VNN1: variants seen among roughly 807,000 people sequenced by gnomAD.
The protein encoded by VNN1 is vanin 1, also known as pantetheinase.
VNN1 carries 29 observed loss-of-function variants against 41.9 expected under a neutral mutation model. The observed-to-expected ratio is 0.69, with a 90% CI of 0.52 to 0.94. The LOEUF (loss-of-function observed/expected upper bound fraction) is 0.94. Among genes scored for constraint, VNN1 ranks in the 40% least tolerant of loss-of-function variants. The pLI is 0.00. For missense variants in VNN1, 637 were observed against 621.1 expected, an observed-to-expected ratio of 1.03 and a Z score of -0.27; for synonymous variants, 233 against 224.4, an observed-to-expected ratio of 1.04 and a Z score of -0.34.
rs537498462 is a variant in VNN1 at position 132,681,270 on chromosome 6, G to A, written c.*1870C>T. On this transcript the variant is annotated 3_prime_UTR_variant, in exon 7 of 7. Coordinates refer to ENST00000367928, the MANE Select transcript of VNN1 (RefSeq NM_004666.3). ...AGTATCATTGCTCTAGGAGAAGCCA[G>A]ATGACATTTTATGAAAGTTTTTCTA... is the stretch of plus-strand genomic sequence containing the variant. Among the ~76,000 whole-genome samples the A allele has an allele frequency of 6.6e-6, 1 of 152,178 alleles. No individual in the cohort carries two copies. Among genetic ancestry groups the A allele is most frequent in the Non-Finnish European group, 1.5e-5 (1 of 68,046 alleles).
At chr6:132,700,928 A>G (rs992382523) in intron 2 of VNN1, among the ~76,000 whole-genome samples, 13 of 152,222 alleles carry the variant, frequency 8.5e-5, no homozygotes, top group Non-Finnish European at 1.8e-4. Context: ...CCATAATGGT[A>G]TAATGGATTT....
chr6:132,696,597 A>G (rs949140191), intron 2 of VNN1, among the ~76,000 whole-genome samples: 4 of 152,170 alleles, frequency 2.6e-5, no homozygotes, highest in Admixed American at 6.5e-5. Context: ...GGGATCCCCA[A>G]TAAGATTATC....
At chr6:132,693,377 G>T in intron 3 of VNN1, 62 bp from the exon 4 acceptor site, 1 of 1,461,526 alleles carries the variant, frequency 6.8e-7, no homozygotes, top group Non-Finnish European at 9.1e-7. Context: ...GGACATCACA[G>T]TGTGGGAAAA....
chr6:132,694,528 A>G (rs971556045), intron 2 of VNN1, among the ~76,000 whole-genome samples: 4 of 152,120 alleles, frequency 2.6e-5, no homozygotes, highest in African/African-American at 9.7e-5. Flanking sequence ...TATCCCGTTT[A>G]CTAAAATTTT....
rs887291010 is a variant in VNN1, at chr6:132,682,008, C to T, written c.*1132G>A. The T allele has an allele frequency of 6.6e-6, 1 of 152,200 alleles. No individual in the cohort carries two copies. The highest frequency in any genetic ancestry group is 2.4e-5 in the African/African-American group (1 of 41,436). The allele number at this position is 152,200 out of a possible 1,614,324, so 9.4% of individuals were successfully genotyped here. ...ATATTAGTGCTCAGAGTCTATCAGT[C>T]AGTTGGGAGATATTTTGGCTTAAAT... On this transcript the variant is annotated 3_prime_UTR_variant, in exon 7 of 7. Transcript: ENST00000367928.
At chr6:132,708,567 A>G (rs376731343) in intron 2 of VNN1, among the ~76,000 whole-genome samples, 1 of 152,232 alleles carries the variant, frequency 6.6e-6, no homozygotes, top group Non-Finnish European at 1.5e-5. Context: ...AACATACTCA[A>G]TAAGATGAGA....
At chr6:132,694,296 T>G in intron 2 of VNN1, 114 bp from the exon 3 acceptor site, 1 of 1,031,228 alleles carries the variant, frequency 9.7e-7, no homozygotes, top group Non-Finnish European at 1.3e-6. Flanking sequence ...AAGTAAATTC[T>G]AAATAACAAT....
intron 5 of VNN1, among the ~76,000 whole-genome samples, chr6:132,688,238 T>C (rs956636846): frequency 6.6e-6 from 1 of 152,178 alleles, no homozygotes; most frequent in Non-Finnish European, 1.5e-5. Context: ...GGCTATAACA[T>C]TTTTATTCAA....
rs574660987 is a variant in VNN1, at chr6:132,712,352, A to G, written c.211-513T>C. Among the ~76,000 whole-genome samples the G allele has an allele frequency of 7.2e-5, 11 of 151,890 alleles. No individual in the cohort carries two copies. The South Asian group carries it at 2.3e-3, about 32-fold the overall frequency. On this transcript the variant is annotated intron_variant, in intron 1 of 6. Transcript: ENST00000367928. ...TTTAGTAGAGATGGGGTTTCTCCAT[A>G]TTGGTCAGGATGGTCTTGAACTCCC...
chr6:132,701,016 A>G (rs45454401), intron 2 of VNN1, among the ~76,000 whole-genome samples: 2,911 of 152,288 alleles, frequency 0.019, 102 homozygotes, highest in African/African-American at 0.067. Flanking sequence ...AATTACTATT[A>G]TGCTATGGTG....
chr6:132,683,339 A>T lies in VNN1; in HGVS notation c.1360-17T>A, dbSNP rs202233405. On this transcript the variant is annotated splice_polypyrimidine_tract_variant and intron_variant, in intron 6 of 6. Coordinates refer to ENST00000367928, the MANE Select transcript of VNN1 (RefSeq NM_004666.3). Reference sequence around the variant, plus strand: ...AGTTGACACCTGATTAAAACAAAAAAGTAGGCAAAGGCTACCTTCAAGTTT... The same window carrying T: ...AGTTGACACCTGATTAAAACAAAAATGTAGGCAAAGGCTACCTTCAAGTTT... 81 of 1,604,270 alleles carry T rather than the reference A, an allele frequency of 5.0e-5. No homozygotes were observed. Among genetic ancestry groups the T allele is most frequent in the Non-Finnish European group, 6.7e-5 (79 of 1,177,050 alleles).
At position 132,684,488 on chromosome 6, in the gene VNN1, T is replaced by C. The variant is rs1185481023; in HGVS notation, c.1206A>G (p.Lys402=). The C allele has an allele frequency of 6.2e-7, 1 of 1,614,066 alleles. No homozygotes were observed. Among genetic ancestry groups the C allele is most frequent in the East Asian group, 2.2e-5 (1 of 44,858 alleles). The change falls in exon 6 of 7, where the codon AAA becomes AAG. Residue 402 remains lysine, a synonymous_variant. Transcript: ENST00000367928. ...AAGTGTTTAAATTAGTCGTTTTACA[T>C]TTCAACAGGGTACAAATCTAGGGAA... ...RYYLQICTLL[K]CKTTNLNTCG... is the part of the protein sequence containing the mutation.
intron 5 of VNN1, among the ~76,000 whole-genome samples, chr6:132,690,888 T>C (rs1251442490): frequency 6.6e-6 from 1 of 152,166 alleles, no homozygotes; most frequent in Non-Finnish European, 1.5e-5. Context: ...ATAAAGGATG[T>C]ACTTAACTCA....
chr6:132,689,751 C>G (rs1778256596), intron 5 of VNN1, among the ~76,000 whole-genome samples: 1 of 152,132 alleles, frequency 6.6e-6, no homozygotes, highest in Admixed American at 6.5e-5. Context: ...TTGTATCTTG[C>G]TGATTTTTGA....
chr6:132,686,077 A>C (rs2114333069), intron 5 of VNN1, among the ~76,000 whole-genome samples: 1 of 152,146 alleles, frequency 6.6e-6, no homozygotes, highest in African/African-American at 2.4e-5. Context: ...TGTGAAGTTC[A>C]GATACACAAC....
rs1778305569 is a variant in VNN1 at position 132,692,459 on chromosome 6, A to C, written c.952T>G (p.Ser318Ala). ...AGCGCTTCTATACTGCTGGCATAGG[A>C]AGTCCAGTTCACCACTGCAGAATGG... ...PSHSAVVNWT[S>A]YASSIEALSS... The change falls in exon 5 of 7, where the codon TCC becomes GCC. Residue 318 changes from serine (S) to alanine (A), a missense_variant. By Grantham distance (99) the Ser-to-Ala change is moderately conservative (BLOSUM62 1). Transcript: ENST00000367928. 6.2e-7 allele frequency: 1 copy of C among 1,614,116 alleles called. No individual in the cohort carries two copies.
Position 132,688,868 on chromosome 6 carries a change from A to G in VNN1, c.1188+3355T>C, listed in dbSNP as rs890616996. 2.6e-5 allele frequency among the ~76,000 whole-genome samples: 4 copies of G among 152,060 alleles called. No individual in the cohort carries two copies. In the East Asian group the frequency reaches 7.7e-4, roughly 29 times the overall value. ...TTTCCTCCAGCACCTTGGAACACTG[A>G]GTAGGAGTAATGATTCCTTGTATAT... On this transcript the variant is annotated intron_variant, in intron 5 of 6. Transcript: ENST00000367928.
At chr6:132,693,776 C>T (rs1182072031) in intron 3 of VNN1, among the ~76,000 whole-genome samples, 1 of 152,168 alleles carries the variant, frequency 6.6e-6, no homozygotes, top group Non-Finnish European at 1.5e-5. Context: ...CTGACTGCTA[C>T]ACACTCCTGA....
intron 1 of VNN1, among the ~76,000 whole-genome samples, chr6:132,713,359 T>A (rs933443985): frequency 1.4e-4 from 21 of 152,206 alleles, no homozygotes; most frequent in Non-Finnish European, 2.2e-4. Flanking sequence ...GTAATTAGAA[T>A]GAAGTGTGAA....
Sources: gnomAD v4.1 joint callset for allele counts (sites outside exome capture counted in the v4.1 genomes callset) on GRCh38, gnomAD v4.1.1 for gene constraint, MANE v1.5 for transcripts, NCBI Gene and HGNC (gene_info 2026-07-23, HGNC 2026-07-21) for gene names.